The following PTPRZ1 variants were observed in gnomAD, a reference collection of about 807,000 sequenced individuals.
PTPRZ1 encodes receptor-type tyrosine-protein phosphatase zeta.
PTPRZ1 carries 82 observed loss-of-function variants against 214.1 expected under a neutral mutation model. The ratio of observed to expected loss-of-function variants is 0.38; its 90% CI spans 0.32 to 0.46. The LOEUF (loss-of-function observed/expected upper bound fraction) is 0.46, where lower values mean the gene tolerates loss of function less well. PTPRZ1 is among the 20% of genes least tolerant of loss of function. The pLI, the probability that PTPRZ1 is intolerant of heterozygous loss-of-function variation, is 1.00. For synonymous variants in PTPRZ1, 945 were observed against 987.9 expected (o/e 0.96, Z 0.81); for missense variants, 2,603 against 2,748.7 (o/e 0.95, Z 1.19).
At chr7:121,955,961 A>T (rs1165719834) in intron 2 of PTPRZ1, among the ~76,000 whole-genome samples, 1 of 152,178 alleles carries the variant, frequency 6.6e-6, no homozygotes, top group Non-Finnish European at 1.5e-5. Flanking sequence ...AAAGTGAAAG[A>T]TAGGAGGACT....
chr7:121,996,601 C>T (rs756447400), intron 9 of PTPRZ1, 35 bp downstream of exon 9: 1 of 1,435,888 alleles, frequency 7.0e-7, no homozygotes, highest in Non-Finnish European at 9.4e-7. Context: ...CATAGGGTAA[C>T]ATTATAATTT....
intron 2 of PTPRZ1, among the ~76,000 whole-genome samples, chr7:121,963,053 G>C (rs1796929693): frequency 6.6e-6 from 1 of 151,614 alleles, no homozygotes; most frequent in Non-Finnish European, 1.5e-5. Flanking sequence ...TTTTATTTTG[G>C]CCTCTTTTAT....
At chr7:121,949,888 C>T (rs1312870075) in intron 2 of PTPRZ1, among the ~76,000 whole-genome samples, 1 of 151,948 alleles carries the variant, frequency 6.6e-6, no homozygotes, top group Non-Finnish European at 1.5e-5. Flanking sequence ...ATAGAGACTC[C>T]AATATCAAAG....
intron 1 of PTPRZ1, among the ~76,000 whole-genome samples, chr7:121,893,892 T>C (rs1584610575): frequency 6.6e-6 from 1 of 152,262 alleles, no homozygotes; most frequent in Middle Eastern, 3.4e-3. Flanking sequence ...TATTATTAGG[T>C]AGCTACACTT....
chr7:121,946,226 T>C lies in PTPRZ1; in HGVS notation c.124+18005T>C, dbSNP rs1001836761. 4.6e-5 allele frequency among the ~76,000 whole-genome samples: 7 copies of C among 152,228 alleles called. No homozygotes were observed. The East Asian group carries it at 1.3e-3, about 29-fold the overall frequency. ...AAACCTAAGGAACTGTTCAACTATA[T>C]AGAGCCACTGTTTGGCCGCATGGAG... is the stretch of plus-strand genomic sequence containing the variant. On this transcript the variant is annotated intron_variant, in intron 2 of 29. Transcript: ENST00000393386.
At chr7:121,963,009 G>T (rs376039486) in intron 2 of PTPRZ1, among the ~76,000 whole-genome samples, 1 of 151,396 alleles carries the variant, frequency 6.6e-6, no homozygotes. Context: ...TCTGTTTGTT[G>T]GTTTTTCCAC....
chr7:122,033,464 A>T (rs904595801), intron 15 of PTPRZ1, among the ~76,000 whole-genome samples: 8 of 151,744 alleles, frequency 5.3e-5, no homozygotes, highest in Admixed American at 2.0e-4. Flanking sequence ...CATTTTTAAT[A>T]AAAAAATGGG....
chr7:122,059,599 A>C, intron 28 of PTPRZ1, 154 bp from the exon 29 acceptor site: 3 of 805,148 alleles, frequency 3.7e-6, no homozygotes, highest in Non-Finnish European at 5.7e-6. Context: ...AGATTAAATC[A>C]TAGTTCTTTG....
At chr7:121,976,030 T>C (rs772795059) in intron 4 of PTPRZ1, 143 bp from the exon 5 acceptor site, 6 of 500,726 alleles carry the variant, frequency 1.2e-5, no homozygotes, top group Non-Finnish European at 1.4e-5. Flanking sequence ...CCCTTCCTTA[T>C]TGAAGGATGG....
chr7:121,940,748 C>A (rs1796215142), intron 2 of PTPRZ1, among the ~76,000 whole-genome samples: 2 of 151,672 alleles, frequency 1.3e-5, no homozygotes, highest in Non-Finnish European at 1.5e-5. Flanking sequence ...GTCCATCACG[C>A]AATTATCTTT....
chr7:122,057,381 A>G (rs180861211), intron 27 of PTPRZ1, among the ~76,000 whole-genome samples: 1 of 151,976 alleles, frequency 6.6e-6, no homozygotes, highest in Admixed American at 6.6e-5. Flanking sequence ...ATAATTATTT[A>G]CATAAATAAT....
At chr7:122,002,192 AC>A (rs1439999740) in intron 10 of PTPRZ1, among the ~76,000 whole-genome samples, 3 of 152,218 alleles carry the variant, frequency 2.0e-5, no homozygotes, top group Non-Finnish European at 4.4e-5. Flanking sequence ...TCAGCAAAAG[AC>A]TTCTGGATTC....
rs749303673 is a variant in PTPRZ1, at chr7:122,012,076, A to G, written c.3030A>G (p.Thr1010=). The change falls in exon 12 of 30, where the codon ACA becomes ACG. Residue 1010 remains threonine, a synonymous_variant. Coordinates refer to ENST00000393386, the MANE Select transcript of PTPRZ1 (RefSeq NM_002851.3). The stretch of plus-strand genomic sequence containing the variant: ...ATAGTGAATTTCTTTTACCTGACAC[A>G]GATGGGCTGACAGCCCTTAACATTT... ...SSDSEFLLPD[T]DGLTALNISS... The G allele has an allele frequency of 1.9e-6, 3 of 1,614,090 alleles. No individual in the cohort carries two copies. The highest frequency in any genetic ancestry group is 1.7e-5 in the Admixed American group (1 of 60,008).
At chr7:122,041,925 C>T (rs1041545530) in intron 21 of PTPRZ1, among the ~76,000 whole-genome samples, 14 of 152,112 alleles carry the variant, frequency 9.2e-5, no homozygotes, top group East Asian at 1.9e-4. Flanking sequence ...TCCTAGCAAA[C>T]GGAGAAGGAC....
At chr7:121,996,352 A>G (rs1436168463) in intron 8 of PTPRZ1, 30 bp from the exon 9 acceptor site, 14 of 1,533,558 alleles carry the variant, frequency 9.1e-6, no homozygotes, top group African/African-American at 2.8e-5. Flanking sequence ...GCTAAGTTCT[A>G]TCAACAACTG....
intron 28 of PTPRZ1, 77 bp downstream of exon 28, chr7:122,059,019 A>C: frequency 7.3e-7 from 1 of 1,376,348 alleles, no homozygotes; most frequent in Admixed American, 2.1e-5. Flanking sequence ...CTTCAGACAA[A>C]CCTAATGCTT....
chr7:122,019,171 T>C lies in PTPRZ1; in HGVS notation c.4891T>C (p.Leu1631=). 14 of 1,612,090 alleles carry C rather than the reference T, an allele frequency of 8.7e-6. No homozygotes were observed. The highest frequency in any genetic ancestry group is 1.2e-5 in the Non-Finnish European group (14 of 1,178,274). Residue 1631 remains leucine, a synonymous_variant, in exon 13 of 30, where the codon TTG becomes CTG. Coordinates refer to ENST00000393386, the MANE Select transcript of PTPRZ1 (RefSeq NM_002851.3). ...HESRIGLAEG[L]ESEKKAVIPL... Reference sequence around the variant, plus strand: ...GTCTCGTATTGGTCTAGCTGAGGGGTTGGAATCCGAGAAGAAGGCAGTTAT... The same window carrying C: ...GTCTCGTATTGGTCTAGCTGAGGGGCTGGAATCCGAGAAGAAGGCAGTTAT...
Position 122,010,686 on chromosome 7 carries a change from G to A in PTPRZ1, c.1640G>A (p.Arg547Lys). ...AATGATGGCTCTAAAACTGTTCTTA[G>A]ATCTCCACATATGAACTTGTCGGGG... ...SLNDGSKTVL[R>K]SPHMNLSGTA... The change falls in exon 12 of 30, where the codon AGA becomes AAA. Residue 547 changes from arginine to lysine, a missense_variant. Transcript: ENST00000393386. 1 of 1,613,912 alleles carries A rather than the reference G, an allele frequency of 6.2e-7. No homozygotes were observed. The highest frequency in any genetic ancestry group is 8.5e-7 in the Non-Finnish European group (1 of 1,179,868).
intron 18 of PTPRZ1, among the ~76,000 whole-genome samples, chr7:122,038,268 CA>C (rs1299756129): frequency 6.6e-6 from 1 of 152,104 alleles, no homozygotes; most frequent in Admixed American, 6.5e-5. Flanking sequence ...AAATGGGACA[CA>C]GTGACGAATT....
Sources: gnomAD v4.1 joint callset for allele counts (sites outside exome capture counted in the v4.1 genomes callset) on GRCh38, gnomAD v4.1.1 for gene constraint, MANE v1.5 for transcripts, NCBI Gene and HGNC (gene_info 2026-07-23, HGNC 2026-07-21) for gene names.